CSMD1: variants seen among roughly 807,000 people sequenced by gnomAD.
CSMD1 encodes CUB and Sushi multiple domains 1, also known as CUB and sushi domain-containing protein 1.
CSMD1 carries 213 observed loss-of-function variants against 417.5 expected under a neutral mutation model. That is an observed-to-expected ratio of 0.51 (90% confidence interval 0.46 to 0.57). The LOEUF is 0.57. Among genes scored for constraint, CSMD1 ranks in the 20% least tolerant of loss-of-function variants. The pLI is 0.00. For missense variants in CSMD1, 6,923 were observed against 4,529.7 expected (o/e 1.53, Z -15.17); for synonymous variants, 2,862 against 1,736.8 (o/e 1.65, Z -16.11).
intron 2 of CSMD1, among the ~76,000 whole-genome samples, chr8:4,577,960 T>A (rs769804787): frequency 2.6e-5 from 4 of 152,158 alleles, no homozygotes; most frequent in Non-Finnish European, 5.9e-5. Flanking sequence ...AAAAATGACA[T>A]GGGTCTGGTT....
intron 3 of CSMD1, among the ~76,000 whole-genome samples, chr8:4,260,885 T>C (rs1477023415): frequency 6.6e-6 from 1 of 152,212 alleles, no homozygotes; most frequent in East Asian, 1.9e-4. Flanking sequence ...CTTTGTCGTG[T>C]TTGATATTAT....
chr8:4,910,235 G>C (rs755522246), intron 1 of CSMD1, among the ~76,000 whole-genome samples: 1 of 152,124 alleles, frequency 6.6e-6, no homozygotes, highest in South Asian at 2.1e-4. Flanking sequence ...TGGGAAATGT[G>C]ACTATTTACA....
chr8:4,207,472 T>C (rs1241499179), intron 3 of CSMD1, among the ~76,000 whole-genome samples: 3 of 152,170 alleles, frequency 2.0e-5, no homozygotes, highest in Non-Finnish European at 4.4e-5. Flanking sequence ...AAATTTTAAA[T>C]AGCCGATTAA....
intron 5 of CSMD1, among the ~76,000 whole-genome samples, chr8:3,809,153 A>C (rs1225435723): frequency 1.3e-5 from 2 of 152,146 alleles, no homozygotes; most frequent in African/African-American, 4.8e-5. Flanking sequence ...TTCCCCTTCC[A>C]GCCCCCACAG....
rs543993768 is a variant in CSMD1, at chr8:3,931,169, A to G, written c.818+66734T>C. ...CAGCTAAACATCGTCTGCATCTTTTAAAGCATCTTCCCCTCATATCCATTT... is the reference window on the plus strand; with the variant it reads ...CAGCTAAACATCGTCTGCATCTTTTGAAGCATCTTCCCCTCATATCCATTT... On this transcript the variant is annotated intron_variant, in intron 5 of 69. Transcript: ENST00000635120. 4.4e-4 allele frequency among the ~76,000 whole-genome samples: 67 copies of G among 150,872 alleles called. 6 individuals carry two copies. The South Asian group carries it at 0.013, about 30-fold the overall frequency.
At chr8:4,704,453 G>A (rs1807789956) in intron 1 of CSMD1, among the ~76,000 whole-genome samples, 1 of 152,100 alleles carries the variant, frequency 6.6e-6, no homozygotes, top group African/African-American at 2.4e-5. Context: ...ATAAATATTT[G>A]CTTGACTGAA....
At chr8:4,053,032 G>A (rs573471441) in intron 3 of CSMD1, among the ~76,000 whole-genome samples, 6 of 152,084 alleles carry the variant, frequency 3.9e-5, no homozygotes, top group African/African-American at 1.2e-4. Context: ...GGTAACAATT[G>A]GTACCTCTAA....
At chr8:4,276,287 T>C (rs1023588755) in intron 3 of CSMD1, among the ~76,000 whole-genome samples, 1 of 152,162 alleles carries the variant, frequency 6.6e-6, no homozygotes, top group Admixed American at 6.5e-5. Flanking sequence ...CGGAATACTA[T>C]GCAGCCATAA....
chr8:4,907,178 C>G (rs147281927), intron 1 of CSMD1, among the ~76,000 whole-genome samples: 1 of 152,166 alleles, frequency 6.6e-6, no homozygotes, highest in African/African-American at 2.4e-5. Flanking sequence ...CTTTCCCTGT[C>G]CTTCTATTTT....
intron 3 of CSMD1, among the ~76,000 whole-genome samples, chr8:4,402,689 T>A (rs1352832126): frequency 1.3e-5 from 2 of 151,994 alleles, no homozygotes; most frequent in Middle Eastern, 3.4e-3. Flanking sequence ...ATGGAGAAAA[T>A]AGAAGCAATG....
chr8:4,796,904 A>C (rs540313305), intron 1 of CSMD1, among the ~76,000 whole-genome samples: 2 of 152,196 alleles, frequency 1.3e-5, no homozygotes, highest in Non-Finnish European at 2.9e-5. Flanking sequence ...CGCTATGGAC[A>C]CATTAGGTCT....
chr8:3,199,896 T>A (rs1339016016), intron 32 of CSMD1, 87 bp from the exon 33 acceptor site: 4 of 725,152 alleles, frequency 5.5e-6, no homozygotes, highest in East Asian at 2.8e-5. Context: ...AAAGTTGAAA[T>A]TTCACATTTA....
intron 1 of CSMD1, chr8:4,787,205 C>G: frequency 2.2e-6 from 1 of 464,710 alleles, no homozygotes; most frequent in South Asian, 2.5e-5. Flanking sequence ...GTCGCGGGGC[C>G]CCGCCAGGGG....
intron 1 of CSMD1, among the ~76,000 whole-genome samples, chr8:4,905,521 C>A (rs1805184547): frequency 6.6e-6 from 1 of 152,026 alleles, no homozygotes; most frequent in South Asian, 2.1e-4. Flanking sequence ...CACTAACTCT[C>A]TAAAGAAAAA....
At chr8:3,492,387 C>T (rs1010908673) in intron 11 of CSMD1, among the ~76,000 whole-genome samples, 1 of 152,110 alleles carries the variant, frequency 6.6e-6, no homozygotes, top group African/African-American at 2.4e-5. Flanking sequence ...CTCTCTTTCC[C>T]ACAAAGAGGC....
intron 26 of CSMD1, among the ~76,000 whole-genome samples, chr8:3,246,763 G>A (rs1224700795): frequency 2.0e-5 from 3 of 152,138 alleles, no homozygotes; most frequent in Non-Finnish European, 2.9e-5. Flanking sequence ...GTGAACCACC[G>A]GGCCTGGACT....
At chr8:3,974,359 C>G (rs551534985) in intron 5 of CSMD1, among the ~76,000 whole-genome samples, 8 of 151,802 alleles carry the variant, frequency 5.3e-5, no homozygotes, top group African/African-American at 1.7e-4. Context: ...GAAATGGAAT[C>G]AAATATACAG....
intron 3 of CSMD1, among the ~76,000 whole-genome samples, chr8:4,307,801 C>G (rs774563433): frequency 6.6e-6 from 1 of 152,160 alleles, no homozygotes; most frequent in Admixed American, 6.5e-5. Context: ...CCTCTCTACA[C>G]TACAGTCTGA....
At chr8:4,496,794 T>A (rs1257611961) in intron 2 of CSMD1, among the ~76,000 whole-genome samples, 2 of 152,166 alleles carry the variant, frequency 1.3e-5, no homozygotes. Context: ...AGCTGAGACA[T>A]CCTGAGACAT....
Sources: gnomAD v4.1 joint callset for allele counts (sites outside exome capture counted in the v4.1 genomes callset) on GRCh38, gnomAD v4.1.1 for gene constraint, MANE v1.5 for transcripts, NCBI Gene and HGNC (gene_info 2026-07-23, HGNC 2026-07-21) for gene names.